Variants in NTRK3 observed in about 807,000 individuals in gnomAD.
NTRK3 encodes the protein neurotrophic receptor tyrosine kinase 3.
NTRK3 carries 24 observed loss-of-function variants against 91.7 expected under a neutral mutation model. The ratio of observed to expected loss-of-function variants is 0.26; its 90% CI spans 0.19 to 0.37. The LOEUF (loss-of-function observed/expected upper bound fraction) is 0.37. Among genes scored for constraint, NTRK3 ranks in the 10% least tolerant of loss-of-function variants. The probability of loss-of-function intolerance (pLI) is 1.00; values close to 1 mark genes in which losing one functional copy is unlikely to be tolerated. For missense variants in NTRK3, 880 were observed against 1,068.9 expected (o/e 0.82, Z 2.46); for synonymous variants, 483 against 404.0 (o/e 1.20, Z -2.34).
At chr15:88,160,497 T>C (rs561272466) in intron 5 of NTRK3, among the ~76,000 whole-genome samples, 1 of 152,316 alleles carries the variant, frequency 6.6e-6, no homozygotes, top group East Asian at 1.9e-4. Context: ...AGTGGGGGCT[T>C]TGCTGACAGC....
At position 88,062,206 on chromosome 15, in the gene NTRK3, TC is replaced by T. The variant is rs2046284362; in HGVS notation, c.1397-29162del. On this transcript the variant is annotated intron_variant, in intron 13 of 18. Transcript: ENST00000394480. ...TCATCCGCAGAACGGGGAGGTGGGTTCTGGAACCATTCCCTCATGAATACTG... is the reference window on the plus strand; with the variant it reads ...TCATCCGCAGAACGGGGAGGTGGGTTTGGAACCATTCCCTCATGAATACTG... 2.6e-5 allele frequency among the ~76,000 whole-genome samples: 4 copies of T among 152,150 alleles called. No homozygotes were observed. The South Asian group carries it at 8.3e-4, about 32-fold the overall frequency.
chr15:88,246,874 C>CTT (rs2052877406), intron 3 of NTRK3, among the ~76,000 whole-genome samples: 1 of 152,196 alleles, frequency 6.6e-6, no homozygotes, highest in African/African-American at 2.4e-5. Context: ...TCAGCCCTGG[C>CTT]TCAGGAAATG....
At chr15:88,088,940 G>A (rs2048757073) in intron 13 of NTRK3, among the ~76,000 whole-genome samples, 1 of 152,132 alleles carries the variant, frequency 6.6e-6, no homozygotes, top group Non-Finnish European at 1.5e-5. Context: ...ACTGCTCTTA[G>A]GTTCCTCTGA....
intron 14 of NTRK3, among the ~76,000 whole-genome samples, chr15:87,969,322 G>T (rs934437338): frequency 6.6e-6 from 1 of 152,220 alleles, no homozygotes; most frequent in Admixed American, 6.5e-5. Flanking sequence ...CCCTTTAAGG[G>T]AAAGAGGTAA....
chr15:88,098,490 CA>C (rs1343062288), intron 13 of NTRK3: 1 of 212,978 alleles, frequency 4.7e-6, no homozygotes, highest in East Asian at 6.9e-5. Flanking sequence ...GGCGCTTGGA[CA>C]AGGATAACAG....
exon 19 of NTRK3, chr15:87,870,522 C>T (rs1226987910): frequency 9.6e-6 from 2 of 208,252 alleles, no homozygotes; most frequent in African/African-American, 2.3e-5. Flanking sequence ...TCACAAATCA[C>T]CACCAAAGAA....
At chr15:87,950,841 A>G (rs978279472) in intron 14 of NTRK3, among the ~76,000 whole-genome samples, 2 of 152,186 alleles carry the variant, frequency 1.3e-5, no homozygotes, top group African/African-American at 4.8e-5. Flanking sequence ...TGTTACGGTT[A>G]TTATTAAAGT....
intron 13 of NTRK3, among the ~76,000 whole-genome samples, chr15:88,090,982 C>T (rs1028431898): frequency 6.6e-6 from 1 of 152,200 alleles, no homozygotes; most frequent in Non-Finnish European, 1.5e-5. Flanking sequence ...AAAAGAACAG[C>T]CAATACTCAT....
chr15:87,979,350 A>C, intron 14 of NTRK3: 1 of 1,610,898 alleles, frequency 6.2e-7, no homozygotes, highest in Non-Finnish European at 8.5e-7. Context: ...AGTTTTTAAA[A>C]GCCATGACGT....
intron 17 of NTRK3, among the ~76,000 whole-genome samples, chr15:87,893,425 C>G (rs2065946758): frequency 6.6e-6 from 1 of 152,216 alleles, no homozygotes; most frequent in African/African-American, 2.4e-5. Context: ...CCAGGTTCTA[C>G]TTGGGGCAGA....
At chr15:87,913,750 A>C (rs2067255780) in intron 17 of NTRK3, among the ~76,000 whole-genome samples, 1 of 152,238 alleles carries the variant, frequency 6.6e-6, no homozygotes, top group Non-Finnish European at 1.5e-5. Flanking sequence ...TTGAAAATGA[A>C]GAAAATACAA....
intron 17 of NTRK3, among the ~76,000 whole-genome samples, chr15:87,904,499 T>A (rs1008805933): frequency 6.6e-6 from 1 of 152,114 alleles, no homozygotes; most frequent in African/African-American, 2.4e-5. Flanking sequence ...TCTCTGAATC[T>A]TTTTTCTTAG....
At chr15:87,873,693 A>C (rs763374454) in exon 19 of NTRK3, 26 of 231,968 alleles carry the variant, frequency 1.1e-4, no homozygotes, top group Admixed American at 9.6e-4. Flanking sequence ...ATTTCATCAC[A>C]TTAGGCTCTT....
chr15:87,916,450 C>G (rs1420714476), intron 17 of NTRK3: 6 of 698,604 alleles, frequency 8.6e-6, no homozygotes, highest in Non-Finnish European at 1.6e-5. Flanking sequence ...CTTTTCCTCT[C>G]CTTTCCCGAG....
intron 15 of NTRK3, among the ~76,000 whole-genome samples, chr15:87,939,251 T>G (rs925099917): frequency 6.6e-6 from 1 of 152,212 alleles, no homozygotes; most frequent in African/African-American, 2.4e-5. Context: ...AAATGCCAAC[T>G]ACTTTTTATT....
chr15:88,136,435 C>T (rs368302510), intron 8 of NTRK3, 32 bp downstream of exon 8: 1 of 1,614,108 alleles, frequency 6.2e-7, no homozygotes, highest in Admixed American at 1.7e-5. Context: ...ACTCCCTAGC[C>T]TCCTGATGGG....
intron 13 of NTRK3, among the ~76,000 whole-genome samples, chr15:88,057,063 G>A (rs898536632): frequency 1.8e-4 from 27 of 151,320 alleles, no homozygotes; most frequent in Non-Finnish European, 3.5e-4. Flanking sequence ...CAGCTACACG[G>A]GAGGCTGAGG....
intron 15 of NTRK3, 90 bp downstream of exon 15, chr15:87,940,533 C>T: frequency 1.9e-6 from 3 of 1,588,070 alleles, no homozygotes; most frequent in Non-Finnish European, 2.6e-6. Flanking sequence ...CAATTGAGCA[C>T]TATCTTCTCA....
At chr15:88,011,943 A>G (rs971513760) in intron 14 of NTRK3, among the ~76,000 whole-genome samples, 1 of 152,146 alleles carries the variant, frequency 6.6e-6, no homozygotes, top group Admixed American at 6.5e-5. Context: ...CCTTACGTAC[A>G]TTACCTCATT....
Sources: allele counts gnomAD v4.1 joint callset (sites outside exome capture counted in the v4.1 genomes callset), GRCh38; gene constraint gnomAD v4.1.1; transcripts MANE v1.5; gene names NCBI Gene and HGNC (gene_info 2026-07-23, HGNC 2026-07-21).